The following BCAS4 variants were observed in gnomAD, a reference collection of about 807,000 sequenced individuals.
The protein encoded by BCAS4 is breast carcinoma amplified sequence 4.
Under a neutral mutation model 15.7 loss-of-function variants are expected in BCAS4, and 9 were observed. The observed-to-expected ratio is 0.57, with a 90% CI of 0.34 to 1.00. BCAS4 has a LOEUF of 1.00. Ranked by LOEUF, BCAS4 falls within the 50% of genes least tolerant of loss-of-function variation. The pLI, the probability that BCAS4 is intolerant of heterozygous loss-of-function variation, is 0.02. For synonymous variants in BCAS4, 101 were observed against 99.5 expected (o/e 1.02, Z -0.09); for missense variants, 225 against 239.1 (o/e 0.94, Z 0.39).
intron 1 of BCAS4, among the ~76,000 whole-genome samples, chr20:50,797,518 A>C (rs1012802276): frequency 1.3e-5 from 2 of 152,168 alleles, no homozygotes; most frequent in African/African-American, 4.8e-5. Flanking sequence ...AACGCAGGGA[A>C]ACCCCTGTCT....
upstream of BCAS4, chr20:50,795,039 G>C (rs974174146): frequency 6.9e-7 from 1 of 1,439,684 alleles, no homozygotes; most frequent in Non-Finnish European, 9.1e-7. Flanking sequence ...GCGCAACCAC[G>C]GGCTCCCAGG....
intron 2 of BCAS4, 150 bp downstream of exon 2, chr20:50,818,432 A>C: frequency 1.5e-6 from 1 of 684,194 alleles, no homozygotes; most frequent in Non-Finnish European, 2.5e-6. Context: ...ACGTGCAAAC[A>C]CTCCCTCCTC....
chr20:50,819,310 A>C (rs777203899), intron 2 of BCAS4, among the ~76,000 whole-genome samples: 16 of 152,174 alleles, frequency 1.1e-4, no homozygotes, highest in African/African-American at 3.6e-4. Context: ...TATTAGAGGC[A>C]AACCAGTAAC....
chr20:50,863,637 T>C (rs1280125993), intron 4 of BCAS4, among the ~76,000 whole-genome samples: 1 of 152,126 alleles, frequency 6.6e-6, no homozygotes, highest in Non-Finnish European at 1.5e-5. Context: ...AGGATTCTAT[T>C]GATAATTCAG....
At chr20:50,864,734 ATTG>A (rs1434739899) in intron 4 of BCAS4, among the ~76,000 whole-genome samples, 3 of 151,910 alleles carry the variant, frequency 2.0e-5, no homozygotes, top group East Asian at 3.9e-4. Flanking sequence ...TTTAACAGCA[ATTG>A]TTGTCTGTGT....
At chr20:50,816,024 A>T (rs2088132392) in intron 1 of BCAS4, among the ~76,000 whole-genome samples, 1 of 152,064 alleles carries the variant, frequency 6.6e-6, no homozygotes, top group Non-Finnish European at 1.5e-5. Context: ...AAAAAAACCT[A>T]ATTTTTCTTT....
chr20:50,857,588 G>C (rs748473649), intron 4 of BCAS4, among the ~76,000 whole-genome samples: 17 of 152,208 alleles, frequency 1.1e-4, no homozygotes, highest in South Asian at 6.2e-4. Flanking sequence ...GCTGCCATCT[G>C]AGGGATTTGG....
At position 50,798,965 on chromosome 20, in the gene BCAS4, A is replaced by C. The variant is rs75922765; in HGVS notation, c.90+3792A>C. Among the ~76,000 whole-genome samples the C allele has an allele frequency of 3.3e-3, 505 of 152,298 alleles. 1 individual carries two copies. The highest frequency in any genetic ancestry group is 0.011 in the African/African-American group (465 of 41,572). ...GGACCGTAATTTATGAATCATTCAT[A>C]AATGGTTCAGGGCTGGTGCGTTTTG... On this transcript the variant is annotated intron_variant, in intron 1 of 4. Transcript: ENST00000371608.
intron 4 of BCAS4, among the ~76,000 whole-genome samples, chr20:50,875,649 T>TTA (rs1307281895): frequency 6.8e-6 from 1 of 147,292 alleles, no homozygotes; most frequent in Admixed American, 6.8e-5. Flanking sequence ...GGCGTGGTGG[T>TTA]GCACGCCTAT....
intron 4 of BCAS4, among the ~76,000 whole-genome samples, chr20:50,843,807 A>T (rs2088511542): frequency 6.6e-6 from 1 of 152,200 alleles, no homozygotes; most frequent in Non-Finnish European, 1.5e-5. Flanking sequence ...CCCTCAACTT[A>T]TGGTGACCAT....
chr20:50,880,808 T>C (rs1302299196), downstream of BCAS4: 1 of 152,230 alleles, frequency 6.6e-6, no homozygotes. Context: ...TTGGCAGAAA[T>C]GTGTGGTTTG....
At chr20:50,839,268 T>A (rs754029011) in intron 3 of BCAS4, among the ~76,000 whole-genome samples, 4 of 152,194 alleles carry the variant, frequency 2.6e-5, no homozygotes, top group Non-Finnish European at 5.9e-5. Context: ...CACTAACACA[T>A]GCCCATACAT....
At chr20:50,877,402 C>A (rs1980011338), downstream of BCAS4, 1 of 152,222 alleles carries the variant, frequency 6.6e-6, no homozygotes, top group Admixed American at 6.5e-5. Flanking sequence ...ACCCACATTT[C>A]TTCCCATGCA....
rs888568758 is a variant in BCAS4, at chr20:50,803,679, C to G, written c.90+8506C>G. Among the ~76,000 whole-genome samples the G allele has an allele frequency of 2.7e-5, 4 of 150,508 alleles. No homozygotes were observed. In the South Asian group the frequency reaches 8.4e-4, roughly 32 times the overall value. ...GCAATATAGCAAGACCATGTCTCTA[C>G]AAAATAAAATAATAAATTAGCCAGG... On this transcript the variant is annotated intron_variant, in intron 1 of 4. Coordinates refer to ENST00000371608, the MANE Select transcript of BCAS4 (RefSeq NM_198799.4).
intron 3 of BCAS4, among the ~76,000 whole-genome samples, chr20:50,837,116 A>G (rs2088419040): frequency 2.6e-5 from 4 of 152,180 alleles, no homozygotes; most frequent in African/African-American, 7.2e-5. Context: ...AGGTCCTGCT[A>G]TTAGTCTCAT....
intron 3 of BCAS4, among the ~76,000 whole-genome samples, chr20:50,831,452 T>A (rs761153857): frequency 1.3e-5 from 2 of 152,026 alleles, no homozygotes; most frequent in African/African-American, 2.4e-5. Context: ...TGGCTGCTGC[T>A]CCTCAGAAGG....
chr20:50,835,039 CAT>C lies in BCAS4; in HGVS notation c.264+4662_264+4663del, dbSNP rs1227952016. 6.6e-5 allele frequency among the ~76,000 whole-genome samples: 10 copies of C among 152,246 alleles called. No individual in the cohort carries two copies. In the South Asian group the frequency reaches 2.1e-3, roughly 32 times the overall value. Reference sequence around the variant, plus strand: ...CGTTTGCGTACAAGTTTTTGTGTAACATATGTTTTCATTTCTTTTGGGTAGAT... The same window carrying C: ...CGTTTGCGTACAAGTTTTTGTGTAACATGTTTTCATTTCTTTTGGGTAGAT... On this transcript the variant is annotated intron_variant, in intron 3 of 4. Coordinates refer to ENST00000371608, the MANE Select transcript of BCAS4 (RefSeq NM_198799.4).
downstream of BCAS4, chr20:50,878,484 G>C (rs6096148): frequency 6.6e-6 from 1 of 151,156 alleles, no homozygotes; most frequent in African/African-American, 2.4e-5. Context: ...TTTTTTTATT[G>C]AGGTGACTTT....
At position 50,796,259 on chromosome 20, in the gene BCAS4, C is replaced by T. The variant is rs539546529; in HGVS notation, c.90+1086C>T. On this transcript the variant is annotated intron_variant, in intron 1 of 4. Transcript: ENST00000371608. Reference sequence around the variant, plus strand: ...TTAGCCGGGTGTGTAATCCCAGCTACTTGGGAGGCTGAGGCAGGAGGATCG... The same window carrying T: ...TTAGCCGGGTGTGTAATCCCAGCTATTTGGGAGGCTGAGGCAGGAGGATCG... 3.5e-5 allele frequency among the ~76,000 whole-genome samples: 5 copies of T among 143,506 alleles called. No homozygotes were observed. In the East Asian group the frequency reaches 1.1e-3, roughly 30 times the overall value. The allele number at this position is 143,506 out of a possible 152,430, so 94.1% of individuals were successfully genotyped here. A position where few individuals can be genotyped will look rare whatever the true frequency, so the allele number is the denominator to read the frequency against.
Sources: gnomAD v4.1 joint callset for allele counts (sites outside exome capture counted in the v4.1 genomes callset) on GRCh38, gnomAD v4.1.1 for gene constraint, MANE v1.5 for transcripts, NCBI Gene and HGNC (gene_info 2026-07-23, HGNC 2026-07-21) for gene names.